The following KCTD1 variants were observed in gnomAD, a reference collection of about 807,000 sequenced individuals.
KCTD1 encodes the protein potassium channel tetramerization domain containing 1, also known as BTB/POZ domain-containing protein KCTD1.
Under a neutral mutation model 66.0 loss-of-function variants are expected in KCTD1, and 24 were observed. The ratio of observed to expected loss-of-function variants is 0.36; its 90% CI spans 0.26 to 0.51. The LOEUF (loss-of-function observed/expected upper bound fraction) is 0.51, where lower values mean the gene tolerates loss of function less well. Ranked by LOEUF, KCTD1 falls within the 20% of genes least tolerant of loss-of-function variation. KCTD1 has a pLI of 0.95. For synonymous variants in KCTD1, 511 were observed against 517.2 expected (o/e 0.99, Z 0.16); for missense variants, 943 against 1,205.2 (o/e 0.78, Z 3.22).
chr18:26,477,479 G>A (rs932280746), intron 2 of KCTD1, among the ~76,000 whole-genome samples: 1 of 152,160 alleles, frequency 6.6e-6, no homozygotes, highest in African/African-American at 2.4e-5. Flanking sequence ...GTTAATACAA[G>A]GTGGTCATAT....
At chr18:26,614,376 C>T (rs1469607752) in intron 1 of KCTD1, among the ~76,000 whole-genome samples, 2 of 152,220 alleles carry the variant, frequency 1.3e-5, no homozygotes, top group African/African-American at 4.8e-5. Flanking sequence ...TAGAAAAAAT[C>T]CATGACTATG....
chr18:26,629,124 G>A, intron 1 of KCTD1: 2 of 948,126 alleles, frequency 2.1e-6, no homozygotes, highest in Non-Finnish European at 2.5e-6. Context: ...TATGAGGGAG[G>A]AAGTGTGGAA....
At chr18:26,598,937 G>A (rs940693952) in intron 1 of KCTD1, among the ~76,000 whole-genome samples, 1 of 152,062 alleles carries the variant, frequency 6.6e-6, no homozygotes, top group East Asian at 1.9e-4. Context: ...TTCCTATTCT[G>A]TGGGTTGTCT....
In KCTD1 at chr18:26,628,573, TA is replaced by T. The variant is rs577338469; in HGVS notation, c.-16+573del. On this transcript the variant is annotated intron_variant, in intron 1 of 4. Transcript: ENST00000317932. ...AGTTTGCATTTGGGAAATAAAATAG[TA>T]AAAAAAAAAAAGTGTCTGAGTGATT... Among the ~76,000 whole-genome samples the T allele has an allele frequency of 5.2e-3, 752 of 144,758 alleles. 1 individual carries two copies. The highest frequency in any genetic ancestry group is 7.2e-3 in the Non-Finnish European group (468 of 65,418). 95.0% of individuals were successfully genotyped at this position (144,758 alleles called of 152,430 possible). A position where few individuals can be genotyped will look rare whatever the true frequency, so the allele number is the denominator to read the frequency against.
At chr18:26,497,025 T>C (rs1271169534) in intron 2 of KCTD1, among the ~76,000 whole-genome samples, 1 of 152,120 alleles carries the variant, frequency 6.6e-6, no homozygotes, top group African/African-American at 2.4e-5. Flanking sequence ...CCCAGGTGCT[T>C]CTAATGTTCA....
At chr18:26,570,299 T>C (rs901562259) in intron 1 of KCTD1, among the ~76,000 whole-genome samples, 30 of 151,648 alleles carry the variant, frequency 2.0e-4, no homozygotes, top group Admixed American at 3.3e-4. Flanking sequence ...AGGCTTCTCA[T>C]TGGGGGATTG....
At chr18:26,597,293 G>A (rs1986788578) in intron 1 of KCTD1, among the ~76,000 whole-genome samples, 1 of 152,048 alleles carries the variant, frequency 6.6e-6, no homozygotes, top group Admixed American at 6.6e-5. Flanking sequence ...CCTGAGCAAG[G>A]TGATGATGAT....
At chr18:26,496,127 T>C (rs1982459403) in intron 2 of KCTD1, among the ~76,000 whole-genome samples, 1 of 152,194 alleles carries the variant, frequency 6.6e-6, no homozygotes, top group South Asian at 2.1e-4. Flanking sequence ...GATCTTTTAT[T>C]ACCAATGATG....
At chr18:26,617,342 T>C (rs976017709) in intron 1 of KCTD1, among the ~76,000 whole-genome samples, 3 of 152,248 alleles carry the variant, frequency 2.0e-5, no homozygotes, top group Non-Finnish European at 4.4e-5. Flanking sequence ...AAGAGGAATG[T>C]ATGCTGTCAA....
rs373047724 is a variant in KCTD1, at chr18:26,509,369, CT to C, written c.1810-8120del. Among the ~76,000 whole-genome samples the C allele has an allele frequency of 4.2e-3, 635 of 151,616 alleles. 8 individuals are homozygous for C. Among genetic ancestry groups the C allele is most frequent in the South Asian group, 0.011 (54 of 4,802 alleles). On this transcript the variant is annotated intron_variant, in intron 1 of 4. Transcript: ENST00000580059. ...TTCAAATTCATAGAGACTACTTATT[CT>C]TTTTTTTAAGAATATAATAAAATTT... is the stretch of plus-strand genomic sequence containing the variant.
At chr18:26,590,860 A>C (rs2144943816) in intron 1 of KCTD1, among the ~76,000 whole-genome samples, 1 of 152,300 alleles carries the variant, frequency 6.6e-6, no homozygotes, top group South Asian at 2.1e-4. Context: ...ACAGGGACTA[A>C]TTTTAAATAA....
intron 1 of KCTD1, among the ~76,000 whole-genome samples, chr18:26,536,363 G>A (rs1292331527): frequency 1.3e-5 from 2 of 152,206 alleles, no homozygotes; most frequent in Admixed American, 6.5e-5. Context: ...CTTACTTGGA[G>A]TGGGGACACC....
intron 1 of KCTD1, among the ~76,000 whole-genome samples, chr18:26,649,420 G>GA (rs1283067087): frequency 2.0e-5 from 3 of 152,190 alleles, no homozygotes; most frequent in African/African-American, 7.2e-5. Context: ...AGCCCAGGAA[G>GA]AAACAGACGG....
chr18:26,471,489 T>A (rs1052336771), intron 3 of KCTD1, among the ~76,000 whole-genome samples: 2 of 151,972 alleles, frequency 1.3e-5, no homozygotes, highest in Non-Finnish European at 2.9e-5. Context: ...CAAGAGAAAG[T>A]CCCTGCAGAA....
upstream of KCTD1, chr18:26,549,855 C>T: frequency 2.1e-6 from 2 of 962,570 alleles, no homozygotes; most frequent in Non-Finnish European, 2.5e-6. Context: ...CCATAGGAGA[C>T]ACTGCCCCAC....
At chr18:26,458,237 A>AT (rs1186884899) in intron 4 of KCTD1, 1 of 152,116 alleles carries the variant, frequency 6.6e-6, no homozygotes, top group East Asian at 1.9e-4. Context: ...CTTAGGGAAC[A>AT]TTTTCTGCCA....
In KCTD1 at chr18:26,476,488, A is replaced by G; in HGVS notation, c.2133+27T>C. On this transcript the variant is annotated intron_variant, in intron 3 of 4. Transcript: ENST00000580059. This position sits in a 1 kb window ranked among gnomAD's most constrained non-coding sequence, Gnocchi z 4.9. Reference sequence around the variant, plus strand: ...CATAAAAAAATCACATATTTATGCTATTGGTGATTTAACATGGATCCCTCA... The same window carrying G: ...CATAAAAAAATCACATATTTATGCTGTTGGTGATTTAACATGGATCCCTCA... 1 of 1,589,686 alleles carries G rather than the reference A, an allele frequency of 6.3e-7. No individual in the cohort carries two copies. Among genetic ancestry groups the G allele is most frequent in the Non-Finnish European group, 8.5e-7 (1 of 1,171,998 alleles).
At chr18:26,543,258 C>T (rs552815410) in intron 1 of KCTD1, 9 of 152,130 alleles carry the variant, frequency 5.9e-5, no homozygotes. Flanking sequence ...CAGAAAAATA[C>T]CCACTCTTTA....
At chr18:26,513,123 T>C (rs1349942374) in intron 1 of KCTD1, among the ~76,000 whole-genome samples, 19 of 148,672 alleles carry the variant, frequency 1.3e-4, no homozygotes, top group Admixed American at 1.3e-4. Context: ...AGTCTCGCTG[T>C]GTTGCCCAGG....
Sources: gnomAD v4.1 joint callset for allele counts (sites outside exome capture counted in the v4.1 genomes callset) on GRCh38, gnomAD v4.1.1 for gene constraint, Gnocchi (gnomAD v3.1) non-coding constraint, MANE v1.5 for transcripts, NCBI Gene and HGNC (gene_info 2026-07-23, HGNC 2026-07-21) for gene names.